DLC1: variants seen among roughly 807,000 people sequenced by gnomAD.
DLC1 encodes the protein DLC1 Rho GTPase activating protein.
DLC1 carries 54 observed loss-of-function variants against 140.3 expected under a neutral mutation model. The observed-to-expected ratio is 0.38, with a 90% confidence interval of 0.31 to 0.48. DLC1 has a LOEUF of 0.48. Ranked by LOEUF, DLC1 falls within the 20% of genes least tolerant of loss-of-function variation. The pLI, the probability that DLC1 is intolerant of heterozygous loss-of-function variation, is 0.96. For synonymous variants in DLC1, 986 were observed against 728.1 expected, an observed-to-expected ratio of 1.35 and a Z score of -5.70; for missense variants, 2,536 against 1,907.0, an observed-to-expected ratio of 1.33 and a Z score of -6.14.
At chr8:13,211,317 AGCCCT>A (rs1458874764) in intron 5 of DLC1, among the ~76,000 whole-genome samples, 1 of 152,180 alleles carries the variant, frequency 6.6e-6, no homozygotes, top group Non-Finnish European at 1.5e-5. Flanking sequence ...GCCTAGGGGT[AGCCCT>A]GCTCTGTCTA....
intron 4 of DLC1, among the ~76,000 whole-genome samples, chr8:13,356,818 G>A (rs1680618081): frequency 6.6e-6 from 1 of 151,174 alleles, no homozygotes; most frequent in Non-Finnish European, 1.5e-5. Flanking sequence ...TTCTATTCCT[G>A]GACCACACTT....
At chr8:13,591,434 C>A (rs1408664710) in intron 1 of DLC1, among the ~76,000 whole-genome samples, 1 of 152,066 alleles carries the variant, frequency 6.6e-6, no homozygotes, top group Non-Finnish European at 1.5e-5. Flanking sequence ...TGCTGGCACG[C>A]CTTCTCTCTC....
intron 1 of DLC1, among the ~76,000 whole-genome samples, chr8:13,570,201 C>G (rs1804596710): frequency 6.6e-6 from 1 of 152,174 alleles, no homozygotes; most frequent in African/African-American, 2.4e-5. Context: ...TGTAATCCCT[C>G]CCCACTATAT....
intron 5 of DLC1, among the ~76,000 whole-genome samples, chr8:13,145,964 G>A (rs1398820009): frequency 6.6e-6 from 1 of 152,060 alleles, no homozygotes; most frequent in Non-Finnish European, 1.5e-5. Flanking sequence ...GCCTCATAAT[G>A]TATATATCAT....
chr8:13,539,947 G>A (rs1803428827), intron 1 of DLC1, among the ~76,000 whole-genome samples: 1 of 152,174 alleles, frequency 6.6e-6, no homozygotes, highest in Admixed American at 6.5e-5. Context: ...CAATGCAGCA[G>A]TGAAGAGAAG....
At chr8:13,426,279 A>G (rs1244869074) in intron 2 of DLC1, among the ~76,000 whole-genome samples, 1 of 152,162 alleles carries the variant, frequency 6.6e-6, no homozygotes, top group East Asian at 1.9e-4. Flanking sequence ...AAAGTTGGCA[A>G]GTGGTAGATA....
At chr8:13,576,501 TG>T (rs1321292558) in intron 1 of DLC1, among the ~76,000 whole-genome samples, 1 of 152,210 alleles carries the variant, frequency 6.6e-6, no homozygotes, top group East Asian at 1.9e-4. Context: ...AGAAATATGT[TG>T]CCTCCAGATC....
intron 7 of DLC1, 29 bp downstream of exon 7, chr8:13,110,695 GTTCTTAAAAAATAAAAAA>G: frequency 6.4e-7 from 1 of 1,550,454 alleles, no homozygotes; most frequent in Non-Finnish European, 8.9e-7. Flanking sequence ...GAAGTACTGT[GTTCTTAAAAAATAAAAAA>G]GGAAAACACT....
At chr8:13,143,830 G>C (rs1823208999) in intron 5 of DLC1, among the ~76,000 whole-genome samples, 2 of 150,988 alleles carry the variant, frequency 1.3e-5, no homozygotes, top group African/African-American at 2.4e-5. Flanking sequence ...GAGAGAGAGA[G>C]AGAGAGAGAG....
intron 2 of DLC1, among the ~76,000 whole-genome samples, chr8:13,491,823 T>A (rs1242168619): frequency 6.6e-6 from 1 of 152,192 alleles, no homozygotes; most frequent in Non-Finnish European, 1.5e-5. Context: ...TTCTTCTGCA[T>A]CTTTATAACT....
intron 4 of DLC1, among the ~76,000 whole-genome samples, chr8:13,352,297 C>G (rs1275076278): frequency 6.6e-6 from 1 of 152,130 alleles, no homozygotes; most frequent in Non-Finnish European, 1.5e-5. Flanking sequence ...AAGGGAGAGC[C>G]TTTGATCCAT....
At chr8:13,388,028 A>T (rs1275576038) in intron 4 of DLC1, among the ~76,000 whole-genome samples, 3 of 152,014 alleles carry the variant, frequency 2.0e-5, no homozygotes, top group Non-Finnish European at 4.4e-5. Context: ...AATATGTAAA[A>T]CCATGCATAC....
intron 2 of DLC1, among the ~76,000 whole-genome samples, chr8:13,497,124 A>G (rs1055575160): frequency 6.6e-6 from 1 of 152,090 alleles, no homozygotes; most frequent in Non-Finnish European, 1.5e-5. Context: ...ATTGATGCAA[A>G]TGTAGACTGT....
intron 7 of DLC1, among the ~76,000 whole-genome samples, chr8:13,105,224 C>T (rs1819461620): frequency 6.6e-6 from 1 of 152,156 alleles, no homozygotes; most frequent in Admixed American, 6.5e-5. Context: ...TGGTAGCACC[C>T]AGCTAATGGC....
intron 5 of DLC1, among the ~76,000 whole-genome samples, chr8:13,143,957 A>C (rs2128972961): frequency 6.6e-6 from 1 of 152,236 alleles, no homozygotes; most frequent in Admixed American, 6.5e-5. Flanking sequence ...GGCTGACCCC[A>C]GCTATCATCT....
intron 2 of DLC1, among the ~76,000 whole-genome samples, chr8:13,457,693 A>AG (rs1329485864): frequency 1.3e-5 from 2 of 150,736 alleles, no homozygotes; most frequent in African/African-American, 4.9e-5. Flanking sequence ...AAAAAAAAAA[A>AG]AAAAAAAAGA....
intron 1 of DLC1, among the ~76,000 whole-genome samples, chr8:13,528,031 G>C (rs1184061732): frequency 6.6e-6 from 1 of 151,934 alleles, no homozygotes; most frequent in Non-Finnish European, 1.5e-5. Flanking sequence ...AAACATGTTG[G>C]TTTACACATG....
chr8:13,523,993 G>T (rs1021047592), intron 1 of DLC1, among the ~76,000 whole-genome samples: 2 of 151,686 alleles, frequency 1.3e-5, no homozygotes, highest in South Asian at 2.1e-4. Context: ...AATGCAAAGG[G>T]ACTGATTTCA....
rs193250576 is a variant in DLC1 at position 13,378,764 on chromosome 8, T to G, written c.1314+14789A>C. On this transcript the variant is annotated intron_variant, in intron 4 of 17. Coordinates refer to ENST00000276297, the MANE Select transcript of DLC1 (RefSeq NM_182643.3). ...GTGCCTAACTTATTAAAACTTTGAT[T>G]TAATTTAGTTCTAGAGATGCAGAAA... Among the ~76,000 whole-genome samples, 541 of 152,252 alleles carry G rather than the reference T, an allele frequency of 3.6e-3. 4 individuals carry two copies. Among genetic ancestry groups the G allele is most frequent in the South Asian group, 0.011 (53 of 4,826 alleles).
Sources: gnomAD v4.1 joint callset for allele counts (sites outside exome capture counted in the v4.1 genomes callset) on GRCh38, gnomAD v4.1.1 for gene constraint, MANE v1.5 for transcripts, NCBI Gene and HGNC (gene_info 2026-07-23, HGNC 2026-07-21) for gene names.